Variants in NRG3 observed in about 807,000 individuals in gnomAD.
NRG3 encodes pro-neuregulin-3, membrane-bound isoform.
NRG3 carries 31 observed loss-of-function variants against 66.9 expected under a neutral mutation model. That is an observed-to-expected ratio of 0.46 (90% CI 0.35 to 0.63). NRG3 has a LOEUF of 0.63. NRG3 is among the 20% of genes least tolerant of loss of function. The pLI is 0.00. For missense variants in NRG3, 910 were observed against 878.9 expected (o/e 1.04, Z -0.45); for synonymous variants, 393 against 359.4 (o/e 1.09, Z -1.06).
intron 3 of NRG3, among the ~76,000 whole-genome samples, chr10:82,809,855 T>C (rs2061422555): frequency 6.6e-6 from 1 of 151,932 alleles, no homozygotes; most frequent in South Asian, 2.1e-4. Context: ...TTCCATGACC[T>C]TGTCAATAAA....
At chr10:82,902,333 G>T (rs922160065) in intron 4 of NRG3, among the ~76,000 whole-genome samples, 6 of 152,080 alleles carry the variant, frequency 3.9e-5, no homozygotes, top group Non-Finnish European at 7.4e-5. Context: ...TTCCATAGAG[G>T]GTTAGTGAAT....
chr10:82,826,674 T>C (rs527983469), intron 3 of NRG3, among the ~76,000 whole-genome samples: 2 of 152,046 alleles, frequency 1.3e-5, no homozygotes, highest in African/African-American at 4.8e-5. Flanking sequence ...AGACAAATAC[T>C]GCATGTTCTC....
intron 4 of NRG3, among the ~76,000 whole-genome samples, chr10:82,900,661 G>A (rs747871533): frequency 1.9e-4 from 29 of 152,114 alleles, no homozygotes; most frequent in South Asian, 4.1e-4. Flanking sequence ...TAAAATCACA[G>A]TGGCCTTATA....
At chr10:82,462,858 C>G (rs968080357) in intron 2 of NRG3, among the ~76,000 whole-genome samples, 2 of 152,170 alleles carry the variant, frequency 1.3e-5, no homozygotes, top group African/African-American at 4.8e-5. Flanking sequence ...AGGCTGATAA[C>G]TGTCTTTTTT....
chr10:82,388,553 ACTT>A (rs1418113877), intron 2 of NRG3, among the ~76,000 whole-genome samples: 1 of 152,190 alleles, frequency 6.6e-6, no homozygotes, highest in Non-Finnish European at 1.5e-5. Context: ...GACTGCTGAT[ACTT>A]CTTTAAAAAT....
intron 2 of NRG3, among the ~76,000 whole-genome samples, chr10:82,391,646 A>T (rs1589959593): frequency 6.6e-6 from 1 of 152,286 alleles, no homozygotes; most frequent in East Asian, 1.9e-4. Flanking sequence ...CCCACCTTCC[A>T]ATCATGCAGA....
chr10:82,314,824 A>C (rs2081213499), intron 1 of NRG3, among the ~76,000 whole-genome samples: 1 of 152,130 alleles, frequency 6.6e-6, no homozygotes, highest in Admixed American at 6.5e-5. Context: ...CAAATAAACA[A>C]AAAAACAATA....
chr10:81,877,714 C>T (rs1841800868), intron 1 of NRG3: 2 of 1,332,110 alleles, frequency 1.5e-6, no homozygotes, highest in Admixed American at 3.6e-5. Flanking sequence ...AGGAATCTGC[C>T]ACAAACCAGA....
intron 1 of NRG3, among the ~76,000 whole-genome samples, chr10:81,909,604 T>C (rs1844927064): frequency 6.6e-6 from 1 of 152,152 alleles, no homozygotes. Context: ...GGCACATGCA[T>C]CACTACAGAG....
intron 1 of NRG3, among the ~76,000 whole-genome samples, chr10:82,341,387 T>C (rs999320767): frequency 2.6e-5 from 4 of 152,098 alleles, no homozygotes; most frequent in Admixed American, 2.0e-4. Context: ...TTTCTATGGA[T>C]GAGGTGTGAA....
At chr10:82,396,455 AG>A (rs1223024414) in intron 2 of NRG3, among the ~76,000 whole-genome samples, 1 of 152,166 alleles carries the variant, frequency 6.6e-6, no homozygotes, top group East Asian at 1.9e-4. Context: ...TTTATTGACC[AG>A]TTCCCTTTTT....
chr10:82,677,518 C>T (rs1249263276), intron 2 of NRG3, among the ~76,000 whole-genome samples: 1 of 152,062 alleles, frequency 6.6e-6, no homozygotes, highest in Non-Finnish European at 1.5e-5. Flanking sequence ...TTTTTCTCAT[C>T]TTTCTCTGGC....
chr10:82,846,099 T>C (rs1420410842), intron 3 of NRG3, among the ~76,000 whole-genome samples: 1 of 152,156 alleles, frequency 6.6e-6, no homozygotes, highest in Non-Finnish European at 1.5e-5. Context: ...TCATCCTGTT[T>C]CATGGGTGGG....
intron 7 of NRG3, among the ~76,000 whole-genome samples, chr10:82,978,102 G>A (rs2132637238): frequency 6.6e-6 from 1 of 152,250 alleles, no homozygotes; most frequent in Admixed American, 6.5e-5. Context: ...CTACACATGA[G>A]CAAAGTTCTC....
intron 4 of NRG3, among the ~76,000 whole-genome samples, chr10:82,886,273 T>C (rs902426700): frequency 2.1e-4 from 30 of 140,368 alleles, no homozygotes; most frequent in African/African-American, 7.4e-4. Flanking sequence ...CTTCTTTTCA[T>C]ATGCCCTCAA....
intron 1 of NRG3, among the ~76,000 whole-genome samples, chr10:82,306,308 G>A (rs938994793): frequency 6.6e-6 from 1 of 152,076 alleles, no homozygotes; most frequent in Admixed American, 6.5e-5. Context: ...ATCTTGATCA[G>A]GTACTGGAAC....
At chr10:82,390,024 A>T (rs1229921844) in intron 2 of NRG3, among the ~76,000 whole-genome samples, 2 of 152,170 alleles carry the variant, frequency 1.3e-5, no homozygotes, top group Non-Finnish European at 2.9e-5. Context: ...GCAGCTAGTC[A>T]CTTAACCACA....
chr10:82,168,207 G>T (rs917284291), intron 1 of NRG3, among the ~76,000 whole-genome samples: 1 of 151,996 alleles, frequency 6.6e-6, no homozygotes, highest in African/African-American at 2.4e-5. Flanking sequence ...ATGTAGGATC[G>T]TTCCCCTAAA....
At chr10:82,193,532 A>G (rs775891756) in intron 1 of NRG3, among the ~76,000 whole-genome samples, 106 of 152,344 alleles carry the variant, frequency 7.0e-4, no homozygotes, top group Middle Eastern at 3.4e-3. Context: ...AGATACAGAG[A>G]AAATTGTCAG....
Sources: gnomAD v4.1 joint callset for allele counts (sites outside exome capture counted in the v4.1 genomes callset) on GRCh38, gnomAD v4.1.1 for gene constraint, MANE v1.5 for transcripts, NCBI Gene and HGNC (gene_info 2026-07-23, HGNC 2026-07-21) for gene names.